Variants in SLC13A5 observed in about 807,000 individuals in gnomAD.
SLC13A5 encodes solute carrier family 13 member 5.
SLC13A5 carries 25 observed loss-of-function variants against 56.5 expected under a neutral mutation model. That is an observed-to-expected ratio of 0.44 (90% CI 0.32 to 0.62). SLC13A5 has a LOEUF of 0.62. Among genes scored for constraint, SLC13A5 ranks in the 20% least tolerant of loss-of-function variants. SLC13A5 has a pLI of 0.04. For synonymous variants in SLC13A5, 307 were observed against 301.5 expected (o/e 1.02, Z -0.19); for missense variants, 649 against 737.8 (o/e 0.88, Z 1.39).
chr17:6,711,515 T>C lies in SLC13A5; in HGVS notation c.102+1717A>G, dbSNP rs1209058604. 1.3e-5 allele frequency among the ~76,000 whole-genome samples: 2 copies of C among 150,802 alleles called. No homozygotes were observed. Among genetic ancestry groups the C allele is most frequent in the African/African-American group, 2.5e-5 (1 of 40,582 alleles). ...GTGTGTGTGTGTGTGTGTATGTGTATGTGTGTGTTTGTGTTTTTTGTGTGT... is the reference window on the plus strand; with the variant it reads ...GTGTGTGTGTGTGTGTGTATGTGTACGTGTGTGTTTGTGTTTTTTGTGTGT... On this transcript the variant is annotated intron_variant, in intron 1 of 11. Coordinates refer to ENST00000433363, the MANE Select transcript of SLC13A5 (RefSeq NM_177550.5). The surrounding 1 kb of genome is among the most constrained non-coding windows in gnomAD (Gnocchi z 4.0).
chr17:6,713,358 G>T lies in SLC13A5; in HGVS notation c.-25C>A, dbSNP rs756214364. ...TCGCGCGGGAGGGAGACTGGCGGGC[G>T]AGACGAGTGAGGGGCAGCTAGAGGC... is the stretch of plus-strand genomic sequence containing the variant. On this transcript the variant is annotated 5_prime_UTR_variant, in exon 1 of 12. Transcript: ENST00000433363. This position sits in a 1 kb window ranked among gnomAD's most constrained non-coding sequence, Gnocchi z 7.3. The T allele has an allele frequency of 2.5e-6, 4 of 1,604,586 alleles. No homozygotes were observed. Among genetic ancestry groups the T allele is most frequent in the South Asian group, 1.1e-5 (1 of 90,776 alleles).
rs1415714884 is a variant in SLC13A5 at position 6,692,173 on chromosome 17, G to GTGGA, written c.1275+867_1275+870dup. ...GATGGATGGATGGATGGATAGATGG[G>GTGGA]TGGATGGATGGATGGATAGATAGAT... On this transcript the variant is annotated intron_variant, in intron 9 of 11. Transcript: ENST00000433363. This position sits in a 1 kb window ranked among gnomAD's most constrained non-coding sequence, Gnocchi z 5.5. Among the ~76,000 whole-genome samples, 3 of 124,362 alleles carry GTGGA rather than the reference G, an allele frequency of 2.4e-5. No individual in the cohort carries two copies. Among genetic ancestry groups the GTGGA allele is most frequent in the Admixed American group, 2.3e-4 (3 of 12,798 alleles). The allele number at this position is 124,362 out of a possible 152,430, so 81.6% of individuals were successfully genotyped here. A position where few individuals can be genotyped will look rare whatever the true frequency, so the allele number is the denominator to read the frequency against.
chr17:6,713,355 G>A lies in SLC13A5; in HGVS notation c.-22C>T. 1.2e-6 allele frequency: 2 copies of A among 1,608,850 alleles called. No individual in the cohort carries two copies. The highest frequency in any genetic ancestry group is 1.7e-6 in the Non-Finnish European group (2 of 1,176,342). ...CCATCGCGCGGGAGGGAGACTGGCG[G>A]GCGAGACGAGTGAGGGGCAGCTAGA... On this transcript the variant is annotated 5_prime_UTR_variant, in exon 1 of 12. Coordinates refer to ENST00000433363, the MANE Select transcript of SLC13A5 (RefSeq NM_177550.5). This position sits in a 1 kb window ranked among gnomAD's most constrained non-coding sequence, Gnocchi z 7.3.
chr17:6,687,760 G>A lies in SLC13A5; in HGVS notation c.1438-94C>T, dbSNP rs1355208338. On this transcript the variant is annotated intron_variant, in intron 10 of 11. Coordinates refer to ENST00000433363, the MANE Select transcript of SLC13A5 (RefSeq NM_177550.5). The surrounding 1 kb of genome is among the most constrained non-coding windows in gnomAD (Gnocchi z 5.0). ...AGGATTCTCTGAATGTGCCGGGTAC[G>A]TTTGAACCTCTGTGCCTCAGTCTTG... 8.4e-6 allele frequency: 12 copies of A among 1,423,246 alleles called. No homozygotes were observed. Among genetic ancestry groups the A allele is most frequent in the East Asian group, 5.2e-5 (2 of 38,222 alleles). 88.2% of individuals were successfully genotyped at this position (1,423,246 alleles called of 1,614,324 possible).
At position 6,687,476 on chromosome 17, in the gene SLC13A5, T is replaced by C. The variant is rs1218974076; in HGVS notation, c.1575+53A>G. 6.2e-7 allele frequency: 1 copy of C among 1,604,650 alleles called. No homozygotes were observed. Among genetic ancestry groups the C allele is most frequent in the South Asian group, 1.1e-5 (1 of 88,604 alleles). ...CTGTCATTCATAAATGGGGCATCCCTTATGACAACAGCGTTATAGTCCGAC... is the reference window on the plus strand; with the variant it reads ...CTGTCATTCATAAATGGGGCATCCCCTATGACAACAGCGTTATAGTCCGAC... On this transcript the variant is annotated intron_variant, in intron 11 of 11. Coordinates refer to ENST00000433363, the MANE Select transcript of SLC13A5 (RefSeq NM_177550.5). The surrounding 1 kb of genome is among the most constrained non-coding windows in gnomAD (Gnocchi z 5.0).
intron 3 of SLC13A5, among the ~76,000 whole-genome samples, chr17:6,706,259 A>T (rs1221149773): frequency 1.3e-5 from 2 of 152,106 alleles, no homozygotes; most frequent in Admixed American, 6.5e-5. Context: ...CTGCTTCCCC[A>T]TGAGCTGGGT....
intron 7 of SLC13A5, 26 bp downstream of exon 7, chr17:6,695,700 C>T (rs1244136972): frequency 1.1e-5 from 17 of 1,611,808 alleles, no homozygotes; most frequent in Admixed American, 5.0e-5. Context: ...CCTAAGCCAG[C>T]GATTTCTATT....
chr17:6,712,877 G>A (rs1357226514), intron 1 of SLC13A5, among the ~76,000 whole-genome samples: 1 of 152,234 alleles, frequency 6.6e-6, no homozygotes, highest in Non-Finnish European at 1.5e-5. Context: ...ATTTTGGGGG[G>A]AAACAGGGTT....
At chr17:6,700,763 A>C (rs915822274) in intron 6 of SLC13A5, among the ~76,000 whole-genome samples, 1 of 152,182 alleles carries the variant, frequency 6.6e-6, no homozygotes, top group Non-Finnish European at 1.5e-5. Context: ...CTAGCCTTGA[A>C]GGCTGAGGAG....
intron 10 of SLC13A5, chr17:6,689,608 C>G (rs1221330147): frequency 6.6e-6 from 1 of 152,230 alleles, no homozygotes; most frequent in Non-Finnish European, 1.5e-5. Context: ...AAAGGTGCTC[C>G]TTCTACTGGG....
intron 5 of SLC13A5, among the ~76,000 whole-genome samples, chr17:6,702,531 G>A (rs1360845289): frequency 1.3e-5 from 2 of 152,192 alleles, no homozygotes; most frequent in African/African-American, 4.8e-5. Context: ...GCCACCAAAA[G>A]CAGTGAGCAA....
intron 4 of SLC13A5, among the ~76,000 whole-genome samples, chr17:6,703,361 C>T (rs1161613744): frequency 6.6e-6 from 1 of 152,226 alleles, no homozygotes; most frequent in Non-Finnish European, 1.5e-5. Flanking sequence ...CAGCCACAGA[C>T]CCTGACTCTA....
intron 9 of SLC13A5, among the ~76,000 whole-genome samples, chr17:6,691,220 C>A (rs371051244): frequency 6.6e-6 from 1 of 152,212 alleles, no homozygotes; most frequent in Non-Finnish European, 1.5e-5. Context: ...CATGCTCCAC[C>A]CTGCATTCAT....
At chr17:6,707,815 G>A (rs191087722) in intron 1 of SLC13A5, among the ~76,000 whole-genome samples, 40 of 150,002 alleles carry the variant, frequency 2.7e-4, no homozygotes, top group Middle Eastern at 3.4e-3. Flanking sequence ...GACAGGGTGG[G>A]ATAGGAGGGA....
chr17:6,699,156 A>T (rs1973644809), intron 6 of SLC13A5, among the ~76,000 whole-genome samples: 1 of 152,140 alleles, frequency 6.6e-6, no homozygotes, highest in Non-Finnish European at 1.5e-5. Flanking sequence ...CATGATGAGC[A>T]CTCAATAAAT....
chr17:6,692,231 AGATG>A lies in SLC13A5; in HGVS notation c.1275+809_1275+812del, dbSNP rs370078806. On this transcript the variant is annotated intron_variant, in intron 9 of 11. Coordinates refer to ENST00000433363, the MANE Select transcript of SLC13A5 (RefSeq NM_177550.5). This position sits in a 1 kb window ranked among gnomAD's most constrained non-coding sequence, Gnocchi z 5.5. ...TAGATAGATGGGTGGATGGATGGAC[AGATG>A]GATGGATGGATGGATGGATGGATGG... 0.15 allele frequency among the ~76,000 whole-genome samples: 21,422 copies of A among 143,728 alleles called. 1,631 individuals are homozygous for A. Among genetic ancestry groups the A allele is most frequent in the Non-Finnish European group, 0.18 (11,966 of 66,042 alleles). The allele number at this position is 143,728 out of a possible 152,430, so 94.3% of individuals were successfully genotyped here.
rs1974009384 is a variant in SLC13A5 at position 6,711,077 on chromosome 17, G to A, written c.102+2155C>T. 6.6e-6 allele frequency among the ~76,000 whole-genome samples: 1 copy of A among 151,962 alleles called. No individual in the cohort carries two copies. Among genetic ancestry groups the A allele is most frequent in the South Asian group, 2.1e-4 (1 of 4,818 alleles). On this transcript the variant is annotated intron_variant, in intron 1 of 11. Coordinates refer to ENST00000433363, the MANE Select transcript of SLC13A5 (RefSeq NM_177550.5). The surrounding 1 kb of genome is among the most constrained non-coding windows in gnomAD (Gnocchi z 4.0). ...CTGGAGACAGTCGGTGAGGAGAGAG[G>A]CCTGGGTGTTGGCAGAGGGTGGCGT...
At chr17:6,709,689 T>G (rs1045692972) in intron 1 of SLC13A5, among the ~76,000 whole-genome samples, 2 of 152,212 alleles carry the variant, frequency 1.3e-5, no homozygotes, top group Non-Finnish European at 2.9e-5. Flanking sequence ...GAAGAGCGTA[T>G]GTATTATTTG....
At chr17:6,708,152 T>C (rs970362561) in intron 1 of SLC13A5, among the ~76,000 whole-genome samples, 1 of 152,232 alleles carries the variant, frequency 6.6e-6, no homozygotes, top group African/African-American at 2.4e-5. Context: ...GTATTTTTAG[T>C]AGAGACGGGG....
Sources: allele counts gnomAD v4.1 joint callset (sites outside exome capture counted in the v4.1 genomes callset), GRCh38; gene constraint gnomAD v4.1.1; non-coding constraint Gnocchi (gnomAD v3.1); transcripts MANE v1.5; gene names NCBI Gene and HGNC (gene_info 2026-07-23, HGNC 2026-07-21).